Variants in BAIAP2L1 observed in about 807,000 individuals in gnomAD.
BAIAP2L1 encodes the protein BAR/IMD domain containing adaptor protein 2 like 1, also known as BAR/IMD domain-containing adapter protein 2-like 1.
Under a neutral mutation model 66.3 loss-of-function variants are expected in BAIAP2L1, and 35 were observed. That is an observed-to-expected ratio of 0.53 (90% CI 0.40 to 0.70). BAIAP2L1 has a LOEUF of 0.70. Among genes scored for constraint, BAIAP2L1 ranks in the 30% least tolerant of loss-of-function variants. BAIAP2L1 has a pLI of 0.00. For synonymous variants in BAIAP2L1, 269 were observed against 248.7 expected (o/e 1.08, Z -0.77); for missense variants, 622 against 656.9 (o/e 0.95, Z 0.58).
intron 1 of BAIAP2L1, among the ~76,000 whole-genome samples, chr7:98,397,609 G>A (rs1239037650): frequency 6.6e-6 from 1 of 152,108 alleles, no homozygotes; most frequent in Non-Finnish European, 1.5e-5. Flanking sequence ...TTACAGGCGT[G>A]AGCCACCGCG....
chr7:98,297,162 C>T (rs771859211), intron 12 of BAIAP2L1, among the ~76,000 whole-genome samples: 5 of 152,210 alleles, frequency 3.3e-5, no homozygotes, highest in East Asian at 3.8e-4. Context: ...CGGCTGACTG[C>T]GGCCAGGGTG....
intron 3 of BAIAP2L1, among the ~76,000 whole-genome samples, chr7:98,321,161 C>G (rs1359722570): frequency 6.6e-6 from 1 of 152,060 alleles, no homozygotes; most frequent in Non-Finnish European, 1.5e-5. Context: ...ACCTGGCCCA[C>G]GTGGCCCTTT....
intron 3 of BAIAP2L1, among the ~76,000 whole-genome samples, chr7:98,341,620 T>C (rs1303104560): frequency 6.6e-6 from 1 of 152,194 alleles, no homozygotes; most frequent in Non-Finnish European, 1.5e-5. Context: ...TGGGGTCCAA[T>C]GAACCAGCCA....
chr7:98,321,337 G>A (rs887456264), intron 3 of BAIAP2L1, among the ~76,000 whole-genome samples: 1 of 152,210 alleles, frequency 6.6e-6, no homozygotes, highest in African/African-American at 2.4e-5. Flanking sequence ...AGGCACGAGA[G>A]ATAAAGGCTA....
chr7:98,293,924 C>T (rs966212104), intron 13 of BAIAP2L1, 150 bp downstream of exon 13: 9 of 911,908 alleles, frequency 9.9e-6, no homozygotes, highest in East Asian at 2.5e-5. Flanking sequence ...GTTGGTAAAG[C>T]GAGCAGGGGG....
At position 98,374,762 on chromosome 7, in the gene BAIAP2L1, A is replaced by T. The variant is rs572721900; in HGVS notation, c.52-12330T>A. 2.1e-4 allele frequency among the ~76,000 whole-genome samples: 32 copies of T among 151,850 alleles called. No individual in the cohort carries two copies. In the South Asian group the frequency reaches 6.6e-3, roughly 32 times the overall value. On this transcript the variant is annotated intron_variant, in intron 1 of 13. Coordinates refer to ENST00000005260, the MANE Select transcript of BAIAP2L1 (RefSeq NM_018842.5). ...TGACCCTCTCTCTCTTCTTTCCCAT[A>T]AAAAAAATAAAATAAAATGGAAGAA...
At chr7:98,356,720 T>C (rs1469390973) in intron 2 of BAIAP2L1, among the ~76,000 whole-genome samples, 1 of 147,104 alleles carries the variant, frequency 6.8e-6, no homozygotes, top group Non-Finnish European at 1.5e-5. Context: ...CTTACACCTG[T>C]ACTCCTAGCA....
rs1462775660 is a variant in BAIAP2L1, at chr7:98,400,933, G to A, written c.-81C>T. On this transcript the variant is annotated 5_prime_UTR_variant, in exon 1 of 14. Coordinates refer to ENST00000005260, the MANE Select transcript of BAIAP2L1 (RefSeq NM_018842.5). ...CCGGACTCCGGGCAGCGGGAGGGCC[G>A]GGGCGCGACTAAGGGGCTCTGGAGG... 3 of 1,368,798 alleles carry A rather than the reference G, an allele frequency of 2.2e-6. No homozygotes were observed. The East Asian group carries it at 8.7e-5, about 40-fold the overall frequency. 84.8% of individuals were successfully genotyped at this position (1,368,798 alleles called of 1,614,324 possible).
chr7:98,398,134 G>A (rs1332461807), intron 1 of BAIAP2L1, among the ~76,000 whole-genome samples: 1 of 152,038 alleles, frequency 6.6e-6, no homozygotes, highest in African/African-American at 2.4e-5. Context: ...TCATTTGCAG[G>A]TGGCTTTTGT....
intron 11 of BAIAP2L1, among the ~76,000 whole-genome samples, chr7:98,305,763 C>G (rs1800632964): frequency 6.6e-6 from 1 of 152,180 alleles, no homozygotes; most frequent in African/African-American, 2.4e-5. Context: ...CCTCATGGGT[C>G]TGCTGTGAGA....
At chr7:98,370,203 C>CA (rs1335812893) in intron 1 of BAIAP2L1, among the ~76,000 whole-genome samples, 1 of 151,698 alleles carries the variant, frequency 6.6e-6, no homozygotes, top group Non-Finnish European at 1.5e-5. Flanking sequence ...GGCGAAACCC[C>CA]ATCTCTACTA....
Position 98,292,334 on chromosome 7 carries a change from G to A in BAIAP2L1, c.*1187C>T, listed in dbSNP as rs1349659656. The A allele has an allele frequency of 2.8e-6, 1 of 359,966 alleles. No homozygotes were observed. Among genetic ancestry groups the A allele is most frequent in the Non-Finnish European group, 5.2e-6 (1 of 192,152 alleles). 22.3% of individuals were successfully genotyped at this position (359,966 alleles called of 1,614,324 possible). On this transcript the variant is annotated 3_prime_UTR_variant, in exon 14 of 14. Coordinates refer to ENST00000005260, the MANE Select transcript of BAIAP2L1 (RefSeq NM_018842.5). ...CCTCCCGGGTTCAAGTGATTCTCCT[G>A]CCTCAGCCTCCTGAGTGGCGCCCAC...
intron 13 of BAIAP2L1, 118 bp from the exon 14 acceptor site, chr7:98,293,714 T>C (rs763655431): frequency 3.2e-6 from 3 of 950,286 alleles, no homozygotes; most frequent in Non-Finnish European, 5.1e-6. Context: ...CCTCCCCAGC[T>C]TGTACAGGTC....
intron 6 of BAIAP2L1, 47 bp downstream of exon 6, chr7:98,317,172 C>T: frequency 6.2e-7 from 1 of 1,612,744 alleles, no homozygotes; most frequent in South Asian, 1.1e-5. Flanking sequence ...TTAAACTGTG[C>T]AAATTGTCAA....
At chr7:98,297,429 C>T (rs1357944249) in intron 12 of BAIAP2L1, among the ~76,000 whole-genome samples, 2 of 152,166 alleles carry the variant, frequency 1.3e-5, no homozygotes, top group Non-Finnish European at 2.9e-5. Flanking sequence ...TGCTGGTGGC[C>T]CTCACTGCAG....
intron 2 of BAIAP2L1, among the ~76,000 whole-genome samples, chr7:98,360,450 G>C (rs1237809873): frequency 6.6e-6 from 1 of 152,122 alleles, no homozygotes; most frequent in East Asian, 1.9e-4. Context: ...AATGGCTTCA[G>C]CAAAGGCACA....
chr7:98,307,556 TA>T, intron 10 of BAIAP2L1, 132 bp downstream of exon 10: 1 of 1,470,330 alleles, frequency 6.8e-7, no homozygotes, highest in Admixed American at 2.4e-5. Flanking sequence ...TTCAGTTAAC[TA>T]AACTAGAACT....
At chr7:98,358,841 T>C (rs1802200073) in intron 2 of BAIAP2L1, among the ~76,000 whole-genome samples, 1 of 152,162 alleles carries the variant, frequency 6.6e-6, no homozygotes, top group East Asian at 1.9e-4. Flanking sequence ...ATTTTTACAG[T>C]AATGGCCTTC....
intron 3 of BAIAP2L1, among the ~76,000 whole-genome samples, chr7:98,352,611 C>T (rs546760536): frequency 1.3e-5 from 2 of 152,214 alleles, no homozygotes; most frequent in African/African-American, 4.8e-5. Flanking sequence ...CACTGCACTC[C>T]AGCCTAGGTG....
Sources: allele counts gnomAD v4.1 joint callset (sites outside exome capture counted in the v4.1 genomes callset), GRCh38; gene constraint gnomAD v4.1.1; transcripts MANE v1.5; gene names NCBI Gene and HGNC (gene_info 2026-07-23, HGNC 2026-07-21).